The following STARD13 variants were observed in gnomAD, a reference collection of about 807,000 sequenced individuals.
STARD13 encodes the protein StAR related lipid transfer domain containing 13.
STARD13 carries 62 observed loss-of-function variants against 106.4 expected under a neutral mutation model. The ratio of observed to expected loss-of-function variants is 0.58; its 90% confidence interval spans 0.48 to 0.72. The LOEUF (loss-of-function observed/expected upper bound fraction) is 0.72, where lower values mean the gene tolerates loss of function less well. Ranked by LOEUF, STARD13 falls within the 30% of genes least tolerant of loss-of-function variation. The pLI is 0.00. For synonymous variants in STARD13, 565 were observed against 553.0 expected (o/e 1.02, Z -0.31); for missense variants, 1,387 against 1,424.0 (o/e 0.97, Z 0.42).
At chr13:33,448,112 G>A in the STARD13 span, among the ~76,000 whole-genome samples, 2 of 152,010 alleles carry the variant, frequency 1.3e-5, no homozygotes, top group Admixed American at 6.5e-5. Context: ...GTGATGTTTC[G>A]ATATGTGTTC....
intron 1 of STARD13, among the ~76,000 whole-genome samples, chr13:33,297,045 C>T (rs1892523168): frequency 1.3e-5 from 2 of 152,232 alleles, no homozygotes; most frequent in South Asian, 4.1e-4. Context: ...TTTGTACAGA[C>T]TTTCTGGAGG....
At chr13:33,610,617 A>G in the STARD13 span, among the ~76,000 whole-genome samples, 25,185 of 152,228 alleles carry the variant, frequency 0.17, 3,657 homozygotes, top group East Asian at 0.4. Flanking sequence ...TCCCAACAGT[A>G]ACCTTGCAGA....
chr13:33,216,151 T>C (rs1302771990), intron 1 of STARD13, among the ~76,000 whole-genome samples: 2 of 150,568 alleles, frequency 1.3e-5, no homozygotes, highest in Non-Finnish European at 1.5e-5. Context: ...TGGAAAACAG[T>C]GTGGAGATTC....
chr13:33,360,283 C>A, the STARD13 span, among the ~76,000 whole-genome samples: 12 of 151,736 alleles, frequency 7.9e-5, no homozygotes, highest in South Asian at 4.2e-4. Context: ...TGGCTCACTG[C>A]AAACCCCGCC....
At chr13:33,460,252 C>T in the STARD13 span, among the ~76,000 whole-genome samples, 1 of 151,872 alleles carries the variant, frequency 6.6e-6, no homozygotes, top group African/African-American at 2.4e-5. Context: ...CTTTGGGAGG[C>T]CAAGGCAGGC....
At chr13:33,197,058 G>T (rs1166372567) in intron 1 of STARD13, among the ~76,000 whole-genome samples, 1 of 152,166 alleles carries the variant, frequency 6.6e-6, no homozygotes, top group Non-Finnish European at 1.5e-5. Context: ...TTCAACAAAG[G>T]CTGGGGCCAC....
the STARD13 span, among the ~76,000 whole-genome samples, chr13:33,386,226 T>C: frequency 1.3e-5 from 2 of 152,180 alleles, no homozygotes; most frequent in Non-Finnish European, 2.9e-5. Context: ...ACAACCTCAT[T>C]TTCATAATTG....
At chr13:33,568,969 TA>T in the STARD13 span, among the ~76,000 whole-genome samples, 3 of 147,906 alleles carry the variant, frequency 2.0e-5, 1 homozygote, top group Non-Finnish European at 4.5e-5. Flanking sequence ...ATTACCCTAT[TA>T]AAAATGGCTT....
At chr13:33,510,011 C>T in the STARD13 span, among the ~76,000 whole-genome samples, 1 of 152,192 alleles carries the variant, frequency 6.6e-6, no homozygotes, top group African/African-American at 2.4e-5. Flanking sequence ...AGTCCTTGCT[C>T]TCTTTGCCCA....
At chr13:33,634,547 T>C in the STARD13 span, among the ~76,000 whole-genome samples, 1 of 152,216 alleles carries the variant, frequency 6.6e-6, no homozygotes, top group Non-Finnish European at 1.5e-5. Flanking sequence ...TAGATTTGAA[T>C]AGATACCTCA....
chr13:33,488,450 A>C, the STARD13 span, among the ~76,000 whole-genome samples: 2 of 152,130 alleles, frequency 1.3e-5, no homozygotes, highest in Admixed American at 6.5e-5. Context: ...ATCAAACCCA[A>C]TTACTTCTGT....
chr13:33,115,701 C>T (rs879755295), intron 8 of STARD13, among the ~76,000 whole-genome samples: 8 of 152,148 alleles, frequency 5.3e-5, no homozygotes, highest in Non-Finnish European at 1.2e-4. Context: ...AAGCTGTAAA[C>T]CACTTCTGCC....
At chr13:33,254,665 G>A (rs77317188) in intron 1 of STARD13, among the ~76,000 whole-genome samples, 2,060 of 152,256 alleles carry the variant, frequency 0.014, 61 homozygotes, top group African/African-American at 0.048. Flanking sequence ...ACCTGTAGGT[G>A]AGGAGACAAG....
chr13:33,229,960 G>C (rs920235840), intron 1 of STARD13, among the ~76,000 whole-genome samples: 1 of 152,226 alleles, frequency 6.6e-6, no homozygotes, highest in Non-Finnish European at 1.5e-5. Context: ...AAATGGAGCA[G>C]AGACAAACCC....
the STARD13 span, among the ~76,000 whole-genome samples, chr13:33,464,506 T>A: frequency 1.9e-4 from 29 of 152,258 alleles, no homozygotes; most frequent in Admixed American, 4.6e-4. Flanking sequence ...CCTGCACTGA[T>A]CCTATGCTAC....
intron 9 of STARD13, 43 bp from the exon 10 acceptor site, chr13:33,111,935 G>C (rs764748637): frequency 7.9e-7 from 1 of 1,273,078 alleles, no homozygotes; most frequent in Non-Finnish European, 1.1e-6. Flanking sequence ...CCACACCAAC[G>C]AGCTTGTCAC....
intron 1 of STARD13, among the ~76,000 whole-genome samples, chr13:33,225,615 A>G (rs1164281951): frequency 6.6e-6 from 1 of 152,180 alleles, no homozygotes; most frequent in Non-Finnish European, 1.5e-5. Context: ...AGAATTTTGG[A>G]TAAGCGAAGT....
the STARD13 span, among the ~76,000 whole-genome samples, chr13:33,635,925 G>A: frequency 2.0e-5 from 3 of 151,610 alleles, no homozygotes; most frequent in African/African-American, 7.3e-5. Context: ...CAGAGCTTGC[G>A]GTGAGCTGAG....
In STARD13 at chr13:33,125,943, T is replaced by TA. The variant is rs1171693115; in HGVS notation, c.2082+137dup. On this transcript the variant is annotated intron_variant, in intron 7 of 13. Transcript: ENST00000336934. ...CTTGTTCAAATTAAATATTGCTACA[T>TA]AAAGGTCACAATGCCTTTTATTTTT... The TA allele has an allele frequency of 4.8e-6, 3 of 628,350 alleles. No homozygotes were observed. The African/African-American group carries it at 5.6e-5, about 12-fold the overall frequency. The allele number at this position is 628,350 out of a possible 1,614,324, so 38.9% of individuals were successfully genotyped here. A position where few individuals can be genotyped will look rare whatever the true frequency, so the allele number is the denominator to read the frequency against.
Sources: gnomAD v4.1 joint callset for allele counts (sites outside exome capture counted in the v4.1 genomes callset) on GRCh38, gnomAD v4.1.1 for gene constraint, MANE v1.5 for transcripts, NCBI Gene and HGNC (gene_info 2026-07-23, HGNC 2026-07-21) for gene names.